Variants in BCKDHB observed in about 807,000 individuals in gnomAD.
The protein encoded by BCKDHB is branched chain keto acid dehydrogenase E1 subunit beta.
In BCKDHB, 41 loss-of-function variants were observed where a neutral mutation model predicts 48.5. The ratio of observed to expected loss-of-function variants is 0.85; its 90% CI spans 0.66 to 1.10. The LOEUF is 1.10. BCKDHB is among the 50% of genes least tolerant of loss of function. The pLI is 0.00. For synonymous variants in BCKDHB, 201 were observed against 174.8 expected (o/e 1.15, Z -1.18); for missense variants, 496 against 494.2 (o/e 1.00, Z -0.03).
the BCKDHB span, among the ~76,000 whole-genome samples, chr6:80,460,159 G>T: frequency 0.01 from 1,589 of 152,176 alleles, 14 homozygotes; most frequent in African/African-American, 0.023. Flanking sequence ...ATATTTAACA[G>T]CAAGAACCTT....
chr6:80,364,427 T>A, the BCKDHB span, among the ~76,000 whole-genome samples: 2 of 152,182 alleles, frequency 1.3e-5, no homozygotes, highest in African/African-American at 4.8e-5. Context: ...GATCCAGGTC[T>A]ATTTGTGTCT....
chr6:80,321,311 A>G (rs1403545130), intron 9 of BCKDHB, among the ~76,000 whole-genome samples: 5 of 152,190 alleles, frequency 3.3e-5, no homozygotes, highest in Non-Finnish European at 5.9e-5. Flanking sequence ...AGAATATCAT[A>G]TGTCTCCTGA....
chr6:80,244,671 T>G (rs994055099), intron 8 of BCKDHB, among the ~76,000 whole-genome samples: 1 of 152,208 alleles, frequency 6.6e-6, no homozygotes, highest in Non-Finnish European at 1.5e-5. Context: ...AAGAAATTAG[T>G]TTCTTTTCGA....
the BCKDHB span, among the ~76,000 whole-genome samples, chr6:80,434,056 A>T: frequency 2.0e-5 from 3 of 151,932 alleles, no homozygotes; most frequent in Non-Finnish European, 4.4e-5. Flanking sequence ...TAGTTAGTTA[A>T]TTGTTTTACT....
chr6:80,191,614 G>A (rs1367030826), intron 6 of BCKDHB, among the ~76,000 whole-genome samples: 1 of 152,014 alleles, frequency 6.6e-6, no homozygotes, highest in Admixed American at 6.6e-5. Context: ...GTAGCATGTT[G>A]CAGTCATCTC....
At chr6:80,316,710 T>C (rs1170497792) in intron 9 of BCKDHB, among the ~76,000 whole-genome samples, 3 of 152,198 alleles carry the variant, frequency 2.0e-5, no homozygotes, top group Admixed American at 1.3e-4. Context: ...CTGATCTCAT[T>C]TGTTTTACTC....
At chr6:80,160,055 T>C (rs1271742024) in intron 3 of BCKDHB, among the ~76,000 whole-genome samples, 1 of 152,256 alleles carries the variant, frequency 6.6e-6, no homozygotes, top group Non-Finnish European at 1.5e-5. Context: ...ATAGATAAAC[T>C]CTAAAACTAA....
chr6:80,151,497 G>C (rs1302401712), intron 3 of BCKDHB, among the ~76,000 whole-genome samples: 3 of 151,172 alleles, frequency 2.0e-5, no homozygotes, highest in Non-Finnish European at 4.4e-5. Context: ...ATTTGGGACC[G>C]CCTGTATGTG....
At chr6:80,366,566 ATAT>A in the BCKDHB span, among the ~76,000 whole-genome samples, 1 of 152,180 alleles carries the variant, frequency 6.6e-6, no homozygotes, top group Admixed American at 6.5e-5. Context: ...GATTTACATA[ATAT>A]TTTCAGTGTT....
chr6:80,390,395 T>C, the BCKDHB span, among the ~76,000 whole-genome samples: 1 of 152,170 alleles, frequency 6.6e-6, no homozygotes, highest in Non-Finnish European at 1.5e-5. Context: ...TAGAAAAAGG[T>C]AGTCATCAAT....
chr6:80,201,215 A>G (rs972982749), intron 7 of BCKDHB, among the ~76,000 whole-genome samples, 184 bp downstream of exon 7: 1 of 152,214 alleles, frequency 6.6e-6, no homozygotes, highest in Non-Finnish European at 1.5e-5. Context: ...ATGAAATTAT[A>G]TATCTTCAAG....
At chr6:80,127,525 A>ATT (rs201800966) in intron 1 of BCKDHB, 22 bp from the exon 2 acceptor site, 163 of 1,474,140 alleles carry the variant, frequency 1.1e-4, no homozygotes, top group Middle Eastern at 8.8e-4. Context: ...ACACGAAATG[A>ATT]TTTTTTTTTT....
At chr6:80,164,894 T>A (rs936598840) in intron 3 of BCKDHB, among the ~76,000 whole-genome samples, 9 of 152,200 alleles carry the variant, frequency 5.9e-5, no homozygotes, top group African/African-American at 2.2e-4. Flanking sequence ...TGTGTCTTAT[T>A]TGTGCTCTTC....
intron 6 of BCKDHB, among the ~76,000 whole-genome samples, chr6:80,186,089 G>T (rs998980011): frequency 2.6e-4 from 39 of 152,142 alleles, no homozygotes; most frequent in African/African-American, 9.2e-4. Context: ...GTAGAAGGGG[G>T]ATACAAGTTT....
chr6:80,427,416 T>C, the BCKDHB span, among the ~76,000 whole-genome samples: 91 of 152,292 alleles, frequency 6.0e-4, no homozygotes, highest in East Asian at 0.016. Context: ...TCATACATTT[T>C]ACTTGTACGT....
chr6:80,199,154 G>T (rs1261621573), intron 6 of BCKDHB, among the ~76,000 whole-genome samples: 1 of 152,112 alleles, frequency 6.6e-6, no homozygotes, highest in Non-Finnish European at 1.5e-5. Context: ...TAGCGGGGAA[G>T]AATGTGGAAC....
rs1582191955 is a variant in BCKDHB, at chr6:80,127,617, T to C, written c.267T>C (p.Pro89=). Residue 89 remains proline (P), a synonymous_variant, in exon 2 of 10, where the codon CCT becomes CCC. Coordinates refer to ENST00000320393, the MANE Select transcript of BCKDHB (RefSeq NM_183050.4). ...TGGATAACTCATTGGCCAAAGATCC[T>C]ACTGCAGGTAACCCTGATATGTGCC... ...SALDNSLAKD[P]TAVIFGEDVA... 1 of 1,612,232 alleles carries C rather than the reference T, an allele frequency of 6.2e-7. No homozygotes were observed. The highest frequency in any genetic ancestry group is 1.1e-5 in the South Asian group (1 of 91,048).
the BCKDHB span, among the ~76,000 whole-genome samples, chr6:80,433,736 A>G: frequency 1.3e-5 from 2 of 152,022 alleles, no homozygotes; most frequent in African/African-American, 2.4e-5. Flanking sequence ...TCCTGAAGCT[A>G]GTTCGATGTC....
chr6:80,271,307 A>G (rs1456429624), intron 8 of BCKDHB, among the ~76,000 whole-genome samples: 1 of 152,052 alleles, frequency 6.6e-6, no homozygotes, highest in Non-Finnish European at 1.5e-5. Context: ...GTTGATGCAT[A>G]TTGGTCTATT....
Sources: allele counts gnomAD v4.1 joint callset (sites outside exome capture counted in the v4.1 genomes callset), GRCh38; gene constraint gnomAD v4.1.1; transcripts MANE v1.5; gene names NCBI Gene and HGNC (gene_info 2026-07-23, HGNC 2026-07-21).